The following ETS1 variants were observed in gnomAD, a reference collection of about 807,000 sequenced individuals.
ETS1 encodes protein C-ets-1.
A neutral mutation model predicts 58.6 loss-of-function variants in ETS1; 15 were observed. The ratio of observed to expected loss-of-function variants is 0.26; its 90% CI spans 0.17 to 0.39. The LOEUF (loss-of-function observed/expected upper bound fraction) is 0.39, where lower values mean the gene tolerates loss of function less well. Among genes scored for constraint, ETS1 ranks in the 10% least tolerant of loss-of-function variants. The pLI is 1.00. For synonymous variants in ETS1, 214 were observed against 218.2 expected (o/e 0.98, Z 0.17); for missense variants, 417 against 610.5 (o/e 0.68, Z 3.34).
intron 1 of ETS1, among the ~76,000 whole-genome samples, chr11:128,583,159 A>G (rs1864909390): frequency 6.6e-6 from 1 of 152,178 alleles, no homozygotes; most frequent in Non-Finnish European, 1.5e-5. Flanking sequence ...TGTGAGTAGC[A>G]AGGCAGCGCT....
At chr11:128,561,983 G>A (rs1051073240) in intron 2 of ETS1, among the ~76,000 whole-genome samples, 4 of 152,194 alleles carry the variant, frequency 2.6e-5, no homozygotes, top group Non-Finnish European at 5.9e-5. Flanking sequence ...GGAGAAACAA[G>A]GGAGAAAAAG....
intron 1 of ETS1, among the ~76,000 whole-genome samples, chr11:128,585,127 GAA>G (rs1864980978): frequency 1.0e-4 from 1 of 9,924 alleles, no homozygotes; most frequent in Non-Finnish European, 1.7e-4. Flanking sequence ...AAAGAAAGAA[GAA>G]AGAAAGAAAA....
rs1555070646 is a variant in ETS1 at position 128,460,115 on chromosome 11, C to CACA, written c.*2245_*2246insTGT. 6.9e-6 allele frequency: 1 copy of CACA among 145,594 alleles called. No individual in the cohort carries two copies. The highest frequency in any genetic ancestry group is 1.5e-5 in the Non-Finnish European group (1 of 65,786). 9.0% of individuals were successfully genotyped at this position (145,594 alleles called of 1,614,324 possible). On this transcript the variant is annotated 3_prime_UTR_variant, in exon 10 of 10. Transcript: ENST00000392668. ...ACACACACACACACACACACACACACAACATTCACACACATGCACACATTC... is the reference window on the plus strand; with the variant it reads ...ACACACACACACACACACACACACACACAAACATTCACACACATGCACACATTC...
intron 8 of ETS1, among the ~76,000 whole-genome samples, chr11:128,471,937 G>T (rs1427601652): frequency 6.6e-6 from 1 of 152,152 alleles, no homozygotes; most frequent in Non-Finnish European, 1.5e-5. Flanking sequence ...CACTAGTTAG[G>T]TATAATAGAA....
chr11:128,515,853 T>C (rs1232362677), intron 3 of ETS1, among the ~76,000 whole-genome samples: 2 of 152,068 alleles, frequency 1.3e-5, no homozygotes, highest in Admixed American at 1.3e-4. Context: ...GAAAGAACAA[T>C]TGAGAAAAGT....
At position 128,464,325 on chromosome 11, in the gene ETS1, T is replaced by A. The variant is rs1248000423; in HGVS notation, c.1124-698A>T. Among the ~76,000 whole-genome samples, 1 of 148,514 alleles carries A rather than the reference T, an allele frequency of 6.7e-6. No individual in the cohort carries two copies. Among genetic ancestry groups the A allele is most frequent in the African/African-American group, 2.5e-5 (1 of 39,996 alleles). On this transcript the variant is annotated intron_variant, in intron 8 of 9. Transcript: ENST00000392668. The surrounding 1 kb of genome is among the most constrained non-coding windows in gnomAD (Gnocchi z 4.1). Reference sequence around the variant, plus strand: ...GGGGTCAGATGAGGACTGTCAGAAATTCTGCATAGGTTCAGTATATTCTAA... The same window carrying A: ...GGGGTCAGATGAGGACTGTCAGAAAATCTGCATAGGTTCAGTATATTCTAA...
At chr11:128,498,541 A>G (rs1411437221) in intron 3 of ETS1, among the ~76,000 whole-genome samples, 1 of 152,178 alleles carries the variant, frequency 6.6e-6, no homozygotes, top group African/African-American at 2.4e-5. Flanking sequence ...CATGAATCCA[A>G]TGCACCTAAG....
chr11:128,501,891 C>T (rs1346310952), intron 3 of ETS1, among the ~76,000 whole-genome samples: 1 of 152,108 alleles, frequency 6.6e-6, no homozygotes, highest in Non-Finnish European at 1.5e-5. Flanking sequence ...GCCAGTTCTC[C>T]CCTCGAGTTT....
intron 3 of ETS1, among the ~76,000 whole-genome samples, chr11:128,528,553 A>G (rs1863842920): frequency 6.6e-6 from 1 of 152,154 alleles, no homozygotes; most frequent in Admixed American, 6.5e-5. Context: ...CACTCTTTAA[A>G]GGCAGCAACT....
At chr11:128,495,600 A>G (rs1397588456) in intron 3 of ETS1, among the ~76,000 whole-genome samples, 7 of 152,270 alleles carry the variant, frequency 4.6e-5, no homozygotes, top group African/African-American at 1.7e-4. Flanking sequence ...AATTTGTTAC[A>G]TAAAGGCTTA....
intron 8 of ETS1, among the ~76,000 whole-genome samples, chr11:128,478,339 GAGGA>G (rs1862381521): frequency 2.2e-5 from 1 of 45,726 alleles, no homozygotes; most frequent in East Asian, 7.0e-4. Flanking sequence ...AGGAAGGAAG[GAGGA>G]AGGAAGGAGG....
intron 3 of ETS1, among the ~76,000 whole-genome samples, chr11:128,531,809 C>A (rs1863902049): frequency 6.6e-6 from 1 of 152,204 alleles, no homozygotes; most frequent in Non-Finnish European, 1.5e-5. Flanking sequence ...TCTTAAGCAA[C>A]TGGCCTCAGC....
Position 128,463,621 on chromosome 11 carries a change from C to A in ETS1, c.1130G>T (p.Gly377Val). 1 of 1,569,584 alleles carries A rather than the reference C, an allele frequency of 6.4e-7. No homozygotes were observed. Among genetic ancestry groups the A allele is most frequent in the South Asian group, 1.1e-5 (1 of 90,186 alleles). ...AAALAGYTGSGPIQLWQFLLE... is the reference protein window; with the variant it reads ...AAALAGYTGSVPIQLWQFLLE... ...AAGAAACTGCCATAGCTGGATTGGT[C>A]CACTGCCTAGAAACACAAGCCATTG... The change falls in exon 9 of 10, where the codon GGA becomes GTA. Residue 377 changes from glycine (G) to valine (V), a missense_variant. By Grantham distance (109) the Gly-to-Val change is moderately radical. Coordinates refer to ENST00000392668, the MANE Select transcript of ETS1 (RefSeq NM_001143820.2). The surrounding 1 kb of genome is among the most constrained non-coding windows in gnomAD (Gnocchi z 4.1).
At chr11:128,499,736 G>A (rs1014836731) in intron 3 of ETS1, among the ~76,000 whole-genome samples, 6 of 152,098 alleles carry the variant, frequency 3.9e-5, no homozygotes, top group Non-Finnish European at 5.9e-5. Context: ...TCCATTGCAC[G>A]TCCTACCCAG....
chr11:128,495,350 T>C (rs1445323314), intron 3 of ETS1, among the ~76,000 whole-genome samples: 1 of 152,190 alleles, frequency 6.6e-6, no homozygotes, highest in Non-Finnish European at 1.5e-5. Context: ...TTTTGAAAGA[T>C]TTTAGGAGTG....
At position 128,554,034 on chromosome 11, in the gene ETS1, T is replaced by A. The variant is rs536541670; in HGVS notation, c.214+2257A>T. Among the ~76,000 whole-genome samples the A allele has an allele frequency of 4.9e-4, 75 of 152,290 alleles. 1 individual carries two copies. The highest frequency in any genetic ancestry group is 8.2e-4 in the Non-Finnish European group (56 of 68,004). On this transcript the variant is annotated intron_variant, in intron 3 of 9. Transcript: ENST00000392668. ...TGGAGAAATCACTGGTTGGTCTATGTCTTCATCTCCCTTCCCTATAACCCC... is the reference window on the plus strand; with the variant it reads ...TGGAGAAATCACTGGTTGGTCTATGACTTCATCTCCCTTCCCTATAACCCC...
chr11:128,567,110 G>A (rs79757783), intron 2 of ETS1, among the ~76,000 whole-genome samples: 2,255 of 152,314 alleles, frequency 0.015, 65 homozygotes, highest in African/African-American at 0.051. Context: ...TCTGAGGGCC[G>A]TGGTTAATTT....
chr11:128,572,286 A>G (rs1864653088), intron 2 of ETS1: 1 of 152,042 alleles, frequency 6.6e-6, no homozygotes, highest in African/African-American at 2.4e-5. Context: ...AAAAAAATAA[A>G]TAAAATAAAC....
intron 3 of ETS1, among the ~76,000 whole-genome samples, chr11:128,512,821 G>A (rs183690607): frequency 3.2e-4 from 48 of 152,364 alleles, no homozygotes; most frequent in African/African-American, 1.2e-3. Context: ...TTTCTGACCA[G>A]AGCAGCCTAT....
Sources: allele counts gnomAD v4.1 joint callset (sites outside exome capture counted in the v4.1 genomes callset), GRCh38; gene constraint gnomAD v4.1.1; non-coding constraint Gnocchi (gnomAD v3.1); transcripts MANE v1.5; gene names NCBI Gene and HGNC (gene_info 2026-07-23, HGNC 2026-07-21).